Variants in HACD4 observed in about 807,000 individuals in gnomAD.
HACD4 encodes the protein 3-hydroxyacyl-CoA dehydratase 4.
Under a neutral mutation model 33.3 loss-of-function variants are expected in HACD4, and 35 were observed. That is an observed-to-expected ratio of 1.05 (90% CI 0.80 to 1.39). The LOEUF (loss-of-function observed/expected upper bound fraction) is 1.39, where lower values mean the gene tolerates loss of function less well. HACD4 is among the 40% of genes most tolerant of loss of function. The pLI is 0.00. For missense variants in HACD4, 323 were observed against 276.5 expected (o/e 1.17, Z -1.19); for synonymous variants, 118 against 98.0 (o/e 1.20, Z -1.21).
intron 2 of HACD4, among the ~76,000 whole-genome samples, chr9:21,028,767 C>G (rs947958406): frequency 3.9e-5 from 6 of 151,974 alleles, no homozygotes; most frequent in Non-Finnish European, 8.8e-5. Flanking sequence ...TGACTTAAAC[C>G]ATTAATGCTG....
chr9:21,000,410 C>A lies in HACD4; in HGVS notation c.*6627G>T, dbSNP rs1159885501. On this transcript the variant is annotated 3_prime_UTR_variant, in exon 7 of 7. Transcript: ENST00000495827. ...GTCCAAAGCTGAAATAATTTAGACTCAAAAGCAGTGGTTCTCAAACTTTTC... is the reference window on the plus strand; with the variant it reads ...GTCCAAAGCTGAAATAATTTAGACTAAAAAGCAGTGGTTCTCAAACTTTTC... 6.6e-6 allele frequency: 1 copy of A among 152,092 alleles called. No individual in the cohort carries two copies. Among genetic ancestry groups the A allele is most frequent in the East Asian group, 1.9e-4 (1 of 5,196 alleles). 9.4% of individuals were successfully genotyped at this position (152,092 alleles called of 1,614,324 possible).
rs572778999 is a variant in HACD4, at chr9:21,004,802, T to C, written c.*2235A>G. The C allele has an allele frequency of 6.6e-6, 1 of 152,292 alleles. No individual in the cohort carries two copies. Among genetic ancestry groups the C allele is most frequent in the South Asian group, 2.1e-4 (1 of 4,822 alleles). The allele number at this position is 152,292 out of a possible 1,614,324, so 9.4% of individuals were successfully genotyped here. A position where few individuals can be genotyped will look rare whatever the true frequency, so the allele number is the denominator to read the frequency against. On this transcript the variant is annotated 3_prime_UTR_variant, in exon 7 of 7. Coordinates refer to ENST00000495827, the MANE Select transcript of HACD4 (RefSeq NM_001010915.5). This position sits in a 1 kb window ranked among gnomAD's most constrained non-coding sequence, Gnocchi z 4.6. ...AAAGATGTGGAAGCAGCTTTGACGT[T>C]AGGTAACAGATAGAAGCTGGAAGAG...
intron 1 of HACD4, among the ~76,000 whole-genome samples, chr9:21,030,671 G>C (rs1176815951): frequency 6.6e-6 from 1 of 152,182 alleles, no homozygotes; most frequent in Non-Finnish European, 1.5e-5. Context: ...ATTGAGGTTA[G>C]TATTAACATC....
At chr9:21,023,213 T>G in intron 3 of HACD4, among the ~76,000 whole-genome samples, 1 of 94,244 alleles carries the variant, frequency 1.1e-5, no homozygotes, top group Non-Finnish European at 2.0e-5. Flanking sequence ...CACAGGGGCC[T>G]GTTGTGGGGT....
rs763213940 is a variant in HACD4, at chr9:21,007,059, G to C, written c.677C>G (p.Pro226Arg). 48 of 1,580,438 alleles carry C rather than the reference G, an allele frequency of 3.0e-5. No homozygotes were observed. In the South Asian group the frequency reaches 3.9e-4, roughly 13 times the overall value. ...ACTTCACATCTTCTTTTTTTTAATG[G>C]GAAAGATTCCGAGGATGTCTCTTCT... is the stretch of plus-strand genomic sequence containing the variant. The part of the protein sequence containing the change: ...SERRDILGIF[P>R]IKKKKM The change falls in exon 7 of 7, where the codon CCC becomes CGC. Residue 226 changes from proline (P) to arginine (R), a missense_variant. Transcript: ENST00000495827.
rs1237068814 is a variant in HACD4, at chr9:21,003,597, T to A, written c.*3440A>T. The A allele has an allele frequency of 1.3e-5, 2 of 152,202 alleles. No homozygotes were observed. The allele number at this position is 152,202 out of a possible 1,614,324, so 9.4% of individuals were successfully genotyped here. A position where few individuals can be genotyped will look rare whatever the true frequency, so the allele number is the denominator to read the frequency against. Reference sequence around the variant, plus strand: ...CTCAATTGTTTCTTTCCAAATGTTTTCTTTAGTGGAAATAAGTTACCCATT... The same window carrying A: ...CTCAATTGTTTCTTTCCAAATGTTTACTTTAGTGGAAATAAGTTACCCATT... On this transcript the variant is annotated 3_prime_UTR_variant, in exon 7 of 7. Transcript: ENST00000495827.
intron 1 of HACD4, among the ~76,000 whole-genome samples, chr9:21,030,926 G>A (rs1054957296): frequency 1.3e-5 from 2 of 152,268 alleles, no homozygotes; most frequent in Non-Finnish European, 1.5e-5. Context: ...CTGCCAGTGT[G>A]GTCAAGATTT....
chr9:21,030,765 AG>A (rs1564283535), intron 1 of HACD4, among the ~76,000 whole-genome samples: 1 of 152,234 alleles, frequency 6.6e-6, no homozygotes, highest in Non-Finnish European at 1.5e-5. Flanking sequence ...TGCTCATACC[AG>A]AAGAGGGAAG....
chr9:21,001,269 CA>C lies in HACD4; in HGVS notation c.*5767del, dbSNP rs1842162766. 2 of 151,788 alleles carry C rather than the reference CA, an allele frequency of 1.3e-5. No individual in the cohort carries two copies. The highest frequency in any genetic ancestry group is 4.8e-5 in the African/African-American group (2 of 41,318). The allele number at this position is 151,788 out of a possible 1,614,324, so 9.4% of individuals were successfully genotyped here. ...TCTAAGACGATACAAAAAAGAAATT[CA>C]AGAGCTGGAAAGTACGATAATTGAA... On this transcript the variant is annotated 3_prime_UTR_variant, in exon 7 of 7. Transcript: ENST00000495827.
Position 21,005,074 on chromosome 9 carries a change from C to T in HACD4, c.*1963G>A, listed in dbSNP as rs1842237072. The T allele has an allele frequency of 6.6e-6, 1 of 152,164 alleles. No homozygotes were observed. The highest frequency in any genetic ancestry group is 1.5e-5 in the Non-Finnish European group (1 of 68,034). 9.4% of individuals were successfully genotyped at this position (152,164 alleles called of 1,614,324 possible). On this transcript the variant is annotated 3_prime_UTR_variant, in exon 7 of 7. Coordinates refer to ENST00000495827, the MANE Select transcript of HACD4 (RefSeq NM_001010915.5). This position sits in a 1 kb window ranked among gnomAD's most constrained non-coding sequence, Gnocchi z 4.0. ...GAAGTCTCAAATGAAAATGAGGAAC[C>T]TGTTATGGGAAACTGGAAGAAAGGT...
intron 2 of HACD4, among the ~76,000 whole-genome samples, chr9:21,027,564 T>C (rs371600786): frequency 2.6e-5 from 4 of 152,196 alleles, no homozygotes; most frequent in South Asian, 2.1e-4. Context: ...ATTTCAGAGA[T>C]GGTTCCTGAA....
intron 3 of HACD4, among the ~76,000 whole-genome samples, chr9:21,020,645 AC>A (rs1587834969): frequency 6.6e-6 from 1 of 152,142 alleles, no homozygotes; most frequent in African/African-American, 2.4e-5. Flanking sequence ...GAGGAGAAAT[AC>A]CTAGTTTTGA....
chr9:21,009,803 A>C (rs10757172), intron 5 of HACD4, among the ~76,000 whole-genome samples: 141,860 of 152,200 alleles, frequency 0.93, 66,429 homozygotes, highest in East Asian at 1. Flanking sequence ...AACAGCTCCC[A>C]ATTTCCTTTC....
intron 4 of HACD4, among the ~76,000 whole-genome samples, chr9:21,012,244 T>C (rs918118856): frequency 1.3e-5 from 2 of 152,314 alleles, no homozygotes; most frequent in South Asian, 4.1e-4. Flanking sequence ...TTTTATTTCT[T>C]TGAATAGGAC....
At chr9:21,026,551 G>A in intron 3 of HACD4, 45 bp downstream of exon 3, 1 of 1,517,886 alleles carries the variant, frequency 6.6e-7, no homozygotes, top group Non-Finnish European at 9.0e-7. Context: ...GAGAAAAAAT[G>A]TAAAAATGAA....
rs926380635 is a variant in HACD4 at position 21,004,859 on chromosome 9, T to C, written c.*2178A>G. On this transcript the variant is annotated 3_prime_UTR_variant, in exon 7 of 7. Coordinates refer to ENST00000495827, the MANE Select transcript of HACD4 (RefSeq NM_001010915.5). This position sits in a 1 kb window ranked among gnomAD's most constrained non-coding sequence, Gnocchi z 4.6. Reference sequence around the variant, plus strand: ...GGTACTAGAGTACCTGGAAGAGTACTGGAAGAGTTTTGAGGTACTAGTTTT... The same window carrying C: ...GGTACTAGAGTACCTGGAAGAGTACCGGAAGAGTTTTGAGGTACTAGTTTT... 2.6e-5 allele frequency: 4 copies of C among 152,146 alleles called. No homozygotes were observed. The highest frequency in any genetic ancestry group is 2.0e-4 in the Admixed American group (3 of 15,274). 9.4% of individuals were successfully genotyped at this position (152,146 alleles called of 1,614,324 possible).
At chr9:21,026,020 T>G (rs1333363462) in intron 3 of HACD4, among the ~76,000 whole-genome samples, 1 of 152,242 alleles carries the variant, frequency 6.6e-6, no homozygotes, top group Admixed American at 6.5e-5. Flanking sequence ...CCTTAGATGC[T>G]GTACTAGATA....
intron 6 of HACD4, 134 bp from the exon 7 acceptor site, chr9:21,007,253 ATGTTTAAAGAAG>A (rs1842293394): frequency 1.6e-6 from 1 of 617,628 alleles, no homozygotes; most frequent in African/African-American, 1.8e-5. Flanking sequence ...GTGAGAAGGA[ATGTTTAAAGAAG>A]TGTCCAGATT....
At chr9:21,023,741 A>AT (rs1041000188) in intron 3 of HACD4, among the ~76,000 whole-genome samples, 3 of 151,816 alleles carry the variant, frequency 2.0e-5, no homozygotes, top group African/African-American at 4.8e-5. Context: ...CGTCCAGCTA[A>AT]TTTTTTTGTA....
Sources: gnomAD v4.1 joint callset for allele counts (sites outside exome capture counted in the v4.1 genomes callset) on GRCh38, gnomAD v4.1.1 for gene constraint, Gnocchi (gnomAD v3.1) non-coding constraint, MANE v1.5 for transcripts, NCBI Gene and HGNC (gene_info 2026-07-23, HGNC 2026-07-21) for gene names.